Variants in ERCC6L2 observed in about 807,000 individuals in gnomAD.
ERCC6L2 encodes the protein DNA excision repair protein ERCC-6-like 2.
ERCC6L2 carries 77 observed loss-of-function variants against 132.0 expected under a neutral mutation model. That is an observed-to-expected ratio of 0.58 (90% CI 0.49 to 0.71). The LOEUF is 0.71. Ranked by LOEUF, ERCC6L2 falls within the 30% of genes least tolerant of loss-of-function variation. The pLI is 0.00. For missense variants in ERCC6L2, 1,542 were observed against 1,837.6 expected (o/e 0.84, Z 2.94); for synonymous variants, 583 against 632.4 (o/e 0.92, Z 1.17).
intron 13 of ERCC6L2, among the ~76,000 whole-genome samples, chr9:95,959,544 C>G (rs1455081860): frequency 1.3e-5 from 2 of 151,986 alleles, no homozygotes; most frequent in African/African-American, 4.8e-5. Flanking sequence ...TCTAATTAAA[C>G]TAAAGAGCTT....
chr9:95,977,028 T>C (rs754161433), intron 16 of ERCC6L2, among the ~76,000 whole-genome samples: 4 of 152,130 alleles, frequency 2.6e-5, no homozygotes, highest in Non-Finnish European at 5.9e-5. Context: ...GATTTTAGGT[T>C]TGAGGAATTA....
chr9:95,989,008 T>G (rs1291995650), intron 17 of ERCC6L2, among the ~76,000 whole-genome samples: 1 of 152,056 alleles, frequency 6.6e-6, no homozygotes, highest in African/African-American at 2.4e-5. Flanking sequence ...GGGTTACCAT[T>G]TTATTAGGAT....
chr9:95,981,034 G>A (rs1204571299), intron 17 of ERCC6L2, among the ~76,000 whole-genome samples: 4 of 152,088 alleles, frequency 2.6e-5, no homozygotes, highest in Admixed American at 6.6e-5. Flanking sequence ...AGTTGCAGAC[G>A]TATTGTCTCA....
At chr9:95,917,293 AAAT>A (rs1829647096) in intron 6 of ERCC6L2, among the ~76,000 whole-genome samples, 1 of 152,216 alleles carries the variant, frequency 6.6e-6, no homozygotes, top group African/African-American at 2.4e-5. Flanking sequence ...GATTTTAAAA[AAAT>A]ATAGTAGTCT....
intron 19 of ERCC6L2, among the ~76,000 whole-genome samples, chr9:96,036,764 T>TTA (rs1469236769): frequency 9.5e-5 from 13 of 136,902 alleles, no homozygotes; most frequent in South Asian, 2.4e-4. Flanking sequence ...ATTATTATTA[T>TTA]TTTTATTTAT....
chr9:95,968,765 A>T (rs1832280096), intron 14 of ERCC6L2: 1 of 152,126 alleles, frequency 6.6e-6, no homozygotes, highest in Non-Finnish European at 1.5e-5. Flanking sequence ...TTTGTTGAGC[A>T]TCTGCTAAAT....
At position 95,954,966 on chromosome 9, in the gene ERCC6L2, C is replaced by T. The variant is rs114829331; in HGVS notation, c.1848-948C>T. 7.6e-3 allele frequency: 3,350 copies of T among 441,554 alleles called. 108 individuals are homozygous for T. Among genetic ancestry groups the T allele is most frequent in the African/African-American group, 0.061 (3,002 of 49,072 alleles). 27.4% of individuals were successfully genotyped at this position (441,554 alleles called of 1,614,324 possible). On this transcript the variant is annotated intron_variant, in intron 12 of 18. Coordinates refer to ENST00000653738, the MANE Select transcript of ERCC6L2 (RefSeq NM_020207.7). ...ACATCAAATGTAACATATGGGTGAC[C>T]TTATAAGTTCAAAGATAAATTTCCC...
chr9:95,936,486 G>A (rs1447209100), intron 11 of ERCC6L2, among the ~76,000 whole-genome samples: 1 of 152,168 alleles, frequency 6.6e-6, no homozygotes, highest in African/African-American at 2.4e-5. Flanking sequence ...ACATGTGATG[G>A]TGGAAATAAT....
chr9:95,995,089 T>C (rs779666182), intron 17 of ERCC6L2, among the ~76,000 whole-genome samples: 2 of 152,222 alleles, frequency 1.3e-5, no homozygotes, highest in Non-Finnish European at 2.9e-5. Flanking sequence ...AATTTAATCA[T>C]GTGCCTGTGA....
At chr9:95,937,930 A>G (rs1425033569) in intron 11 of ERCC6L2, among the ~76,000 whole-genome samples, 3 of 151,440 alleles carry the variant, frequency 2.0e-5, no homozygotes, top group South Asian at 2.1e-4. Context: ...TTTTTCTAAT[A>G]TAAGCATTTA....
chr9:95,876,195 G>GC, intron 1 of ERCC6L2, 111 bp downstream of exon 1: 4 of 988,322 alleles, frequency 4.0e-6, no homozygotes, highest in African/African-American at 1.6e-5. Context: ...ATCCTCTTCA[G>GC]TGACAGCTGC....
chr9:95,954,778 C>T (rs1221050897), intron 12 of ERCC6L2: 2 of 471,024 alleles, frequency 4.2e-6, no homozygotes, highest in East Asian at 1.4e-4. Flanking sequence ...CTCTCCTCTG[C>T]TCCTGGGTTG....
intron 2 of ERCC6L2, among the ~76,000 whole-genome samples, 159 bp from the exon 3 acceptor site, chr9:95,897,690 T>A (rs1828540060): frequency 6.6e-6 from 1 of 152,140 alleles, no homozygotes; most frequent in African/African-American, 2.4e-5. Flanking sequence ...AGTTTGTTAT[T>A]ACAAATAAAG....
chr9:95,907,863 A>ACACACACACACACC (rs1259450173), intron 4 of ERCC6L2, among the ~76,000 whole-genome samples: 11 of 150,250 alleles, frequency 7.3e-5, no homozygotes, highest in African/African-American at 2.5e-4. Flanking sequence ...ACACCCCCAC[A>ACACACACACACACC]CCCACACACC....
Position 95,984,791 on chromosome 9 carries a change from A to G in ERCC6L2, c.3492+6576A>G, listed in dbSNP as rs765170351. Among the ~76,000 whole-genome samples, 26 of 152,230 alleles carry G rather than the reference A, an allele frequency of 1.7e-4. No individual in the cohort carries two copies. The East Asian group carries it at 4.2e-3, about 25-fold the overall frequency. ...GGTTTTCAGTTTTTGTCAGGGTACA[A>G]TGAACCCCACCTTTATGTTCTGAGA... On this transcript the variant is annotated intron_variant, in intron 17 of 18. Coordinates refer to ENST00000653738, the MANE Select transcript of ERCC6L2 (RefSeq NM_020207.7).
intron 19 of ERCC6L2, among the ~76,000 whole-genome samples, chr9:96,034,327 G>C (rs1834495487): frequency 1.3e-5 from 2 of 152,218 alleles, no homozygotes; most frequent in Non-Finnish European, 2.9e-5. Context: ...TGTAAATGTA[G>C]GTGGAAGACA....
intron 19 of ERCC6L2, among the ~76,000 whole-genome samples, chr9:96,037,062 G>A (rs900902820): frequency 1.4e-4 from 22 of 152,004 alleles, no homozygotes; most frequent in African/African-American, 4.3e-4. Flanking sequence ...CACTGCGCCC[G>A]GCCCCATTTT....
chr9:95,923,614 T>C (rs570277699), intron 9 of ERCC6L2, among the ~76,000 whole-genome samples: 3 of 152,282 alleles, frequency 2.0e-5, no homozygotes, highest in South Asian at 4.1e-4. Context: ...CTTCAAATTT[T>C]CCTTATTGAT....
chr9:95,965,028 C>T (rs528256225), intron 13 of ERCC6L2, among the ~76,000 whole-genome samples: 1 of 152,236 alleles, frequency 6.6e-6, no homozygotes, highest in Admixed American at 6.6e-5. Flanking sequence ...GGTACCCGGG[C>T]TATCACTTGT....
Sources: allele counts gnomAD v4.1 joint callset (sites outside exome capture counted in the v4.1 genomes callset), GRCh38; gene constraint gnomAD v4.1.1; transcripts MANE v1.5; gene names NCBI Gene and HGNC (gene_info 2026-07-23, HGNC 2026-07-21).